The following ABCG1 variants were observed in gnomAD, a reference collection of about 807,000 sequenced individuals.
ABCG1 encodes ATP-binding cassette sub-family G member 1.
In ABCG1, 29 loss-of-function variants were observed where a neutral mutation model predicts 69.2. That is an observed-to-expected ratio of 0.42 (90% CI 0.31 to 0.57). The LOEUF is 0.57. Ranked by LOEUF, ABCG1 falls within the 20% of genes least tolerant of loss-of-function variation. ABCG1 has a pLI of 0.15. For synonymous variants in ABCG1, 370 were observed against 374.8 expected (o/e 0.99, Z 0.15); for missense variants, 718 against 898.1 (o/e 0.80, Z 2.56).
At chr21:42,284,224 C>A (rs1433153559) in intron 6 of ABCG1, among the ~76,000 whole-genome samples, 15 of 136,334 alleles carry the variant, frequency 1.1e-4, no homozygotes, top group Admixed American at 2.1e-4. Flanking sequence ...TGAGTGGGGA[C>A]CCCCCCACCT....
intron 2 of ABCG1, among the ~76,000 whole-genome samples, chr21:42,241,629 A>C (rs2068053312): frequency 6.6e-6 from 1 of 151,262 alleles, no homozygotes; most frequent in Non-Finnish European, 1.5e-5. Flanking sequence ...ACAAAAAAAA[A>C]ACAAAACCCA....
intron 2 of ABCG1, chr21:42,259,996 C>T (rs746233146): frequency 1.7e-5 from 26 of 1,535,756 alleles, no homozygotes; most frequent in South Asian, 2.5e-5. Context: ...CAGGCCAGTG[C>T]GGCATCCTGC....
At chr21:42,259,560 G>C in intron 2 of ABCG1, 3 of 1,498,646 alleles carry the variant, frequency 2.0e-6, no homozygotes, top group Non-Finnish European at 2.7e-6. Flanking sequence ...TCAGGCTATG[G>C]AGGCAAATCG....
At chr21:42,216,166 G>A (rs1463176580), upstream of ABCG1, 1 of 451,224 alleles carries the variant, frequency 2.2e-6, no homozygotes, top group South Asian at 1.6e-5. Flanking sequence ...ATGATCATGA[G>A]GCTTCCCCAG....
chr21:42,223,899 T>C (rs4148105), intron 1 of ABCG1, among the ~76,000 whole-genome samples: 76,757 of 151,974 alleles, frequency 0.51, 21,016 homozygotes, highest in African/African-American at 0.73. Context: ...AGCAGGGGCC[T>C]CACACCTGCA....
At chr21:42,264,430 CATCCATCCGTCAATCT>C (rs1450039537) in intron 2 of ABCG1, among the ~76,000 whole-genome samples, 3 of 152,180 alleles carry the variant, frequency 2.0e-5, no homozygotes, top group African/African-American at 7.2e-5. Flanking sequence ...TCTGTCCATC[CATCCATCCGTCAATCT>C]ATCCATCCAT....
At chr21:42,281,621 C>T (rs150586012) in intron 5 of ABCG1, among the ~76,000 whole-genome samples, 2 of 152,326 alleles carry the variant, frequency 1.3e-5, no homozygotes, top group African/African-American at 4.8e-5. Flanking sequence ...CTTCCTGGCA[C>T]CTCAGAGACC....
chr21:42,214,824 A>G (rs1482825096), upstream of ABCG1, among the ~76,000 whole-genome samples: 1 of 152,158 alleles, frequency 6.6e-6, no homozygotes, highest in Admixed American at 6.5e-5. Context: ...CAGTTTCCAG[A>G]ATTTGGGGGA....
intron 5 of ABCG1, among the ~76,000 whole-genome samples, chr21:42,277,396 T>C (rs1270566454): frequency 2.0e-5 from 3 of 152,212 alleles, no homozygotes; most frequent in Admixed American, 6.5e-5. Flanking sequence ...TCTTACATGT[T>C]ATTAACCGGC....
intron 2 of ABCG1, among the ~76,000 whole-genome samples, chr21:42,232,399 G>T (rs559025942): frequency 6.6e-6 from 1 of 152,198 alleles, no homozygotes; most frequent in Non-Finnish European, 1.5e-5. Flanking sequence ...CGTTGTTAGC[G>T]GTGGCAGCCT....
At chr21:42,275,444 A>T (rs2068692552) in intron 4 of ABCG1, among the ~76,000 whole-genome samples, 1 of 152,216 alleles carries the variant, frequency 6.6e-6, no homozygotes, top group Non-Finnish European at 1.5e-5. Flanking sequence ...GCAGTCGTGA[A>T]GTTTTTCTTG....
chr21:42,277,834 C>T (rs1448845292), intron 5 of ABCG1, among the ~76,000 whole-genome samples: 1 of 152,200 alleles, frequency 6.6e-6, no homozygotes, highest in Non-Finnish European at 1.5e-5. Context: ...TACTGAGGAA[C>T]AGTCATAGCA....
intron 7 of ABCG1, 71 bp downstream of exon 7, chr21:42,284,754 T>C (rs2123785791): frequency 1.3e-6 from 2 of 1,556,904 alleles, no homozygotes; most frequent in Middle Eastern, 1.7e-4. Context: ...CACCAAACCC[T>C]GGGTACCCAC....
chr21:42,285,755 A>G (rs2068927516), intron 7 of ABCG1, 125 bp from the exon 8 acceptor site: 1 of 717,402 alleles, frequency 1.4e-6, no homozygotes, highest in Non-Finnish European at 2.5e-6. Flanking sequence ...TCAGGAGAGG[A>G]AGTGGCTGAT....
intron 2 of ABCG1, among the ~76,000 whole-genome samples, chr21:42,268,921 G>A (rs1459856062): frequency 6.6e-6 from 1 of 152,198 alleles, no homozygotes; most frequent in East Asian, 1.9e-4. Flanking sequence ...GGGTGCCCCA[G>A]TGAGCCCCAG....
chr21:42,287,783 A>T lies in ABCG1; in HGVS notation c.974-106A>T. The T allele has an allele frequency of 8.5e-7, 1 of 1,182,452 alleles. No individual in the cohort carries two copies. Among genetic ancestry groups the T allele is most frequent in the Non-Finnish European group, 1.2e-6 (1 of 844,138 alleles). 73.2% of individuals were successfully genotyped at this position (1,182,452 alleles called of 1,614,324 possible). On this transcript the variant is annotated intron_variant, in intron 8 of 14. Transcript: ENST00000398449. The surrounding 1 kb of genome is among the most constrained non-coding windows in gnomAD (Gnocchi z 6.2). The stretch of plus-strand genomic sequence containing the variant: ...CCATTAGCACCGCCACGCAGCATCT[A>T]TGTAATCGCTTTAAAACATTCCCAC...
At chr21:42,205,607 A>G (rs904721651) in intron 2 of ABCG1, among the ~76,000 whole-genome samples, 6 of 151,872 alleles carry the variant, frequency 4.0e-5, no homozygotes, top group South Asian at 4.2e-4. Flanking sequence ...CAAAAAAAAA[A>G]AAAGAAAGAA....
rs1302641105 is a variant in ABCG1 at position 42,287,413 on chromosome 21, G to A, written c.974-476G>A. On this transcript the variant is annotated intron_variant, in intron 8 of 14. Transcript: ENST00000398449. This position sits in a 1 kb window ranked among gnomAD's most constrained non-coding sequence, Gnocchi z 6.2. ...GGTCCCAGGACCTCCAAGTCCCCAG[G>A]GTGCCAGCCACTCATGTGGCGATGG... 2.0e-5 allele frequency among the ~76,000 whole-genome samples: 3 copies of A among 152,160 alleles called. No individual in the cohort carries two copies. The highest frequency in any genetic ancestry group is 1.9e-4 in the East Asian group (1 of 5,184).
chr21:42,258,230 C>T (rs2068342823), intron 2 of ABCG1, among the ~76,000 whole-genome samples: 1 of 151,408 alleles, frequency 6.6e-6, no homozygotes, highest in African/African-American at 2.4e-5. Flanking sequence ...GCCTCTCCAA[C>T]CATCCCTCCA....
Sources: gnomAD v4.1 joint callset for allele counts (sites outside exome capture counted in the v4.1 genomes callset) on GRCh38, gnomAD v4.1.1 for gene constraint, Gnocchi (gnomAD v3.1) non-coding constraint, MANE v1.5 for transcripts, NCBI Gene and HGNC (gene_info 2026-07-23, HGNC 2026-07-21) for gene names.